The following NSMAF variants were observed in gnomAD, a reference collection of about 807,000 sequenced individuals.
NSMAF encodes protein FAN.
NSMAF carries 90 observed loss-of-function variants against 134.9 expected under a neutral mutation model. The observed-to-expected ratio is 0.67, with a 90% CI of 0.56 to 0.79. The LOEUF (loss-of-function observed/expected upper bound fraction) is 0.79, where lower values mean the gene tolerates loss of function less well. Ranked by LOEUF, NSMAF falls within the 30% of genes least tolerant of loss-of-function variation. The pLI is 0.00. For missense variants in NSMAF, 1,010 were observed against 1,119.0 expected (o/e 0.90, Z 1.39); for synonymous variants, 358 against 389.6 (o/e 0.92, Z 0.96).
At chr8:58,584,640 A>AT (rs776899698) in intron 30 of NSMAF, among the ~76,000 whole-genome samples, 18 of 152,138 alleles carry the variant, frequency 1.2e-4, no homozygotes, top group Non-Finnish European at 2.2e-4. Flanking sequence ...GTCACAAAGA[A>AT]TTTCATTTTT....
At position 58,609,523 on chromosome 8, in the gene NSMAF, A is replaced by AC. The variant is rs1414914864; in HGVS notation, c.687+80_687+81insG. The AC allele has an allele frequency of 4.8e-6, 7 of 1,445,550 alleles. No individual in the cohort carries two copies. The Admixed American group carries it at 1.3e-4, about 26-fold the overall frequency. 89.5% of individuals were successfully genotyped at this position (1,445,550 alleles called of 1,614,324 possible). A position where few individuals can be genotyped will look rare whatever the true frequency, so the allele number is the denominator to read the frequency against. On this transcript the variant is annotated intron_variant, in intron 10 of 30. Coordinates refer to ENST00000038176, the MANE Select transcript of NSMAF (RefSeq NM_003580.4). ...ATGACTTGATCCTCATCAAAAAGTG[A>AC]GGTCCCTGGCATTGTGAGGCCATGG...
chr8:58,646,664 T>C (rs1807460890), intron 1 of NSMAF, among the ~76,000 whole-genome samples: 1 of 152,184 alleles, frequency 6.6e-6, no homozygotes, highest in Non-Finnish European at 1.5e-5. Flanking sequence ...TATGTAAAAA[T>C]TATTATAATT....
intron 5 of NSMAF, among the ~76,000 whole-genome samples, chr8:58,632,090 A>G (rs1170761330): frequency 1.3e-5 from 2 of 152,134 alleles, no homozygotes; most frequent in Admixed American, 1.3e-4. Context: ...TCCTCCTGCA[A>G]CAATGGAAGT....
At chr8:58,617,694 C>A (rs1806693494) in intron 9 of NSMAF, among the ~76,000 whole-genome samples, 1 of 152,178 alleles carries the variant, frequency 6.6e-6, no homozygotes, top group Non-Finnish European at 1.5e-5. Flanking sequence ...GAAATAGGAA[C>A]ACTTTTACAC....
At chr8:58,626,316 G>A (rs768060263) in intron 6 of NSMAF, among the ~76,000 whole-genome samples, 26 of 151,898 alleles carry the variant, frequency 1.7e-4, no homozygotes, top group African/African-American at 3.6e-4. Flanking sequence ...GGATGGTCTC[G>A]ATCTCCTGAC....
intron 6 of NSMAF, chr8:58,631,253 TCTAAC>T: frequency 3.0e-6 from 1 of 331,240 alleles, no homozygotes; most frequent in Non-Finnish European, 5.6e-6. Flanking sequence ...GATTTTAATT[TCTAAC>T]CTAATCATTT....
chr8:58,634,543 G>A (rs1374469925), intron 5 of NSMAF, among the ~76,000 whole-genome samples: 1 of 152,186 alleles, frequency 6.6e-6, no homozygotes, highest in Non-Finnish European at 1.5e-5. Context: ...AACGAGAGCT[G>A]TCAAGGCAAC....
chr8:58,591,044 C>A (rs1806010459), intron 23 of NSMAF, 110 bp from the exon 24 acceptor site: 12 of 1,241,894 alleles, frequency 9.7e-6, no homozygotes, highest in Non-Finnish European at 1.3e-5. Flanking sequence ...ACTTTATACT[C>A]CAAAGTATAA....
chr8:58,654,544 CCTT>C (rs897569071), intron 1 of NSMAF, among the ~76,000 whole-genome samples: 10 of 151,940 alleles, frequency 6.6e-5, no homozygotes, highest in African/African-American at 2.4e-4. Flanking sequence ...AAGGGAAACT[CCTT>C]CTCAAAAAAG....
intron 11 of NSMAF, among the ~76,000 whole-genome samples, chr8:58,607,467 G>A (rs577148171): frequency 4.6e-5 from 7 of 152,234 alleles, no homozygotes; most frequent in African/African-American, 1.7e-4. Context: ...GTTTTACACA[G>A]ATCATTCTAG....
In NSMAF at chr8:58,643,549, T is replaced by TGG. The variant is rs1234169733; in HGVS notation, c.60-478_60-477dup. 4.4e-5 allele frequency among the ~76,000 whole-genome samples: 6 copies of TGG among 137,764 alleles called. 1 individual carries two copies. Among genetic ancestry groups the TGG allele is most frequent in the African/African-American group, 1.1e-4 (4 of 36,174 alleles). The allele number at this position is 137,764 out of a possible 152,430, so 90.4% of individuals were successfully genotyped here. ...AGGGACAGATCTTTTTTTTTTTTTTTGGGACGGAGTTTCACTCTTGTTGCC... is the reference window on the plus strand; with the variant it reads ...AGGGACAGATCTTTTTTTTTTTTTTTGGGGGACGGAGTTTCACTCTTGTTGCC... On this transcript the variant is annotated intron_variant, in intron 1 of 30. Coordinates refer to ENST00000038176, the MANE Select transcript of NSMAF (RefSeq NM_003580.4).
chr8:58,654,321 G>T (rs147602341), intron 1 of NSMAF, among the ~76,000 whole-genome samples: 1 of 152,176 alleles, frequency 6.6e-6, no homozygotes, highest in South Asian at 2.1e-4. Flanking sequence ...TGGGCCGGGC[G>T]TGGTGGCTCA....
chr8:58,595,530 G>A, intron 22 of NSMAF, 30 bp downstream of exon 22: 3 of 1,495,348 alleles, frequency 2.0e-6, no homozygotes, highest in Non-Finnish European at 2.8e-6. Context: ...AGGACTATCA[G>A]CTGCTGAGAA....
intron 1 of NSMAF, among the ~76,000 whole-genome samples, chr8:58,644,719 T>G (rs1269698386): frequency 6.6e-6 from 1 of 152,178 alleles, no homozygotes; most frequent in Admixed American, 6.5e-5. Flanking sequence ...CCAACCCAAA[T>G]GCCCATCAAT....
At chr8:58,639,343 A>G (rs1256391996) in intron 2 of NSMAF, among the ~76,000 whole-genome samples, 2 of 152,112 alleles carry the variant, frequency 1.3e-5, no homozygotes, top group Non-Finnish European at 2.9e-5. Flanking sequence ...GCCAACAAGC[A>G]TATGAAAAGA....
intron 25 of NSMAF, 192 bp downstream of exon 25, chr8:58,589,815 C>T (rs1215659932): frequency 1.7e-6 from 1 of 588,902 alleles, no homozygotes. Flanking sequence ...AAACAGACTC[C>T]AATTGGAGAA....
intron 9 of NSMAF, among the ~76,000 whole-genome samples, chr8:58,611,199 T>C (rs1806522286): frequency 6.6e-6 from 1 of 152,124 alleles, no homozygotes; most frequent in South Asian, 2.1e-4. Flanking sequence ...TGTCAGACAT[T>C]GGATCAATCA....
At position 58,609,719 on chromosome 8, in the gene NSMAF, G is replaced by C; in HGVS notation, c.572C>G (p.Ser191Cys). 6.2e-7 allele frequency: 1 copy of C among 1,614,092 alleles called. No individual in the cohort carries two copies. Among genetic ancestry groups the C allele is most frequent in the Non-Finnish European group, 8.5e-7 (1 of 1,179,990 alleles). ...TTTGCATTCCATGTGCAGCTTTTCAGAAATGTTTTGGAACCTGAAAATAGG... is the reference window on the plus strand; with the variant it reads ...TTTGCATTCCATGTGCAGCTTTTCACAAATGTTTTGGAACCTGAAAATAGG... ...SFDKNRFQNI[S>C]EKLHMECKAE... The change falls in exon 10 of 31, where the codon TCT (serine) becomes TGT (cysteine). Residue 191 changes from serine (S) to cysteine (C), a missense_variant. Physicochemically the swap from Ser to Cys is moderately radical, Grantham distance 112. Coordinates refer to ENST00000038176, the MANE Select transcript of NSMAF (RefSeq NM_003580.4).
intron 12 of NSMAF, among the ~76,000 whole-genome samples, chr8:58,603,589 T>G (rs543753617): frequency 6.6e-6 from 1 of 152,354 alleles, no homozygotes; most frequent in South Asian, 2.1e-4. Context: ...GGGAAATTAT[T>G]AAATACACTG....
Sources: gnomAD v4.1 joint callset for allele counts (sites outside exome capture counted in the v4.1 genomes callset) on GRCh38, gnomAD v4.1.1 for gene constraint, MANE v1.5 for transcripts, NCBI Gene and HGNC (gene_info 2026-07-23, HGNC 2026-07-21) for gene names.